CAMTA1: variants seen among roughly 807,000 people sequenced by gnomAD.
The protein encoded by CAMTA1 is calmodulin binding transcription activator 1.
CAMTA1 carries 27 observed loss-of-function variants against 170.9 expected under a neutral mutation model. That is an observed-to-expected ratio of 0.16 (90% CI 0.12 to 0.22). The LOEUF is 0.22. Ranked by LOEUF, CAMTA1 falls within the 10% of genes least tolerant of loss-of-function variation. CAMTA1 has a pLI of 1.00. For missense variants in CAMTA1, 1,619 were observed against 2,217.2 expected, an observed-to-expected ratio of 0.73 and a Z score of 5.42; for synonymous variants, 833 against 891.5, an observed-to-expected ratio of 0.93 and a Z score of 1.17.
chr1:7,746,257 C>T (rs1168728927), intron 18 of CAMTA1, among the ~76,000 whole-genome samples, 166 bp downstream of exon 18: 2 of 152,132 alleles, frequency 1.3e-5, no homozygotes, highest in African/African-American at 4.8e-5. Context: ...TATAACATAT[C>T]TGTGTGTGTA....
intron 6 of CAMTA1, among the ~76,000 whole-genome samples, chr1:7,476,275 C>A (rs943664742): frequency 2.0e-5 from 3 of 152,220 alleles, no homozygotes; most frequent in African/African-American, 7.2e-5. Context: ...TGGATCCTTG[C>A]ATGGACAGCA....
chr1:6,897,271 T>C (rs1445913946), intron 3 of CAMTA1, among the ~76,000 whole-genome samples: 1 of 152,074 alleles, frequency 6.6e-6, no homozygotes, highest in Admixed American at 6.6e-5. Flanking sequence ...GGAAAATGGG[T>C]TTTGACCAAC....
At chr1:7,120,115 A>G (rs1261287692) in intron 4 of CAMTA1, among the ~76,000 whole-genome samples, 1 of 152,238 alleles carries the variant, frequency 6.6e-6, no homozygotes, top group Non-Finnish European at 1.5e-5. Context: ...ACCAGAACTC[A>G]GATCTGTCTA....
At chr1:7,672,470 G>A (rs185767363) in intron 10 of CAMTA1, among the ~76,000 whole-genome samples, 1 of 152,258 alleles carries the variant, frequency 6.6e-6, no homozygotes, top group Non-Finnish European at 1.5e-5. Flanking sequence ...TTGCCAGGCT[G>A]GAGTGCAGTG....
Position 7,744,835 on chromosome 1 carries a change from G to A in CAMTA1, c.4183G>A (p.Val1395Met), listed in dbSNP as rs781618305. 8 of 1,611,714 alleles carry A rather than the reference G, an allele frequency of 5.0e-6. No individual in the cohort carries two copies. The South Asian group carries it at 8.8e-5, about 18-fold the overall frequency. ...ECGQPMDDIQ[V>M]NMMTLAEHII... ...GTGTTCTGTGAACTTCTGACTTCAG[G>A]TGAACATGATGACCTTGGCAGAACA... is the stretch of plus-strand genomic sequence containing the variant. Residue 1395 changes from valine (V) to methionine (M), a missense_variant and splice_region_variant, in exon 17 of 23, where the codon GTG becomes ATG. Val to Met is a conservative substitution (Grantham distance 21). Transcript: ENST00000303635.
At chr1:7,102,665 G>A (rs947369767) in intron 4 of CAMTA1, among the ~76,000 whole-genome samples, 1 of 152,150 alleles carries the variant, frequency 6.6e-6, no homozygotes, top group Non-Finnish European at 1.5e-5. Context: ...CGTGAAATGT[G>A]CTATTTCCAC....
intron 5 of CAMTA1, among the ~76,000 whole-genome samples, chr1:7,276,293 A>AT (rs1372402055): frequency 6.8e-4 from 15 of 22,046 alleles, no homozygotes; most frequent in South Asian, 2.3e-3. Context: ...ATATATATAT[A>AT]TATATATATA....
At chr1:7,472,762 G>C (rs959224988) in intron 6 of CAMTA1, among the ~76,000 whole-genome samples, 1 of 152,162 alleles carries the variant, frequency 6.6e-6, no homozygotes, top group Non-Finnish European at 1.5e-5. Context: ...TCACCCCCTA[G>C]AGCAGGCACC....
intron 4 of CAMTA1, among the ~76,000 whole-genome samples, chr1:7,244,009 T>C (rs912081275): frequency 6.6e-6 from 1 of 151,950 alleles, no homozygotes; most frequent in Admixed American, 6.6e-5. Context: ...AGGGCTAATA[T>C]CCAGAATCTA....
chr1:6,848,406 C>T (rs1041352276), intron 3 of CAMTA1, among the ~76,000 whole-genome samples: 3 of 152,212 alleles, frequency 2.0e-5, no homozygotes, highest in Non-Finnish European at 2.9e-5. Flanking sequence ...GTTTCGTCCT[C>T]CCAAAGTATT....
At position 6,916,106 on chromosome 1, in the gene CAMTA1, C is replaced by T. The variant is rs147478317; in HGVS notation, c.234+90896C>T. Reference sequence around the variant, plus strand: ...GCGACCAGGCTGCCAGAGAAGGGGACGAGAAGGGAGCCAGGGGCATGTGAT... The same window carrying T: ...GCGACCAGGCTGCCAGAGAAGGGGATGAGAAGGGAGCCAGGGGCATGTGAT... On this transcript the variant is annotated intron_variant, in intron 3 of 22. Transcript: ENST00000303635. Among the ~76,000 whole-genome samples, 45 of 152,140 alleles carry T rather than the reference C, an allele frequency of 3.0e-4. No individual in the cohort carries two copies. The East Asian group carries it at 7.5e-3, about 25-fold the overall frequency.
intron 5 of CAMTA1, among the ~76,000 whole-genome samples, chr1:7,384,637 C>T (rs547997553): frequency 3.5e-4 from 53 of 152,320 alleles, no homozygotes; most frequent in Middle Eastern, 3.4e-3. Context: ...GCCATTTTGT[C>T]ACTCTTAATT....
intron 10 of CAMTA1, among the ~76,000 whole-genome samples, chr1:7,676,096 C>G (rs1401963845): frequency 6.6e-6 from 1 of 152,224 alleles, no homozygotes; most frequent in Admixed American, 6.5e-5. Context: ...CAGCCCTGAG[C>G]GGGCTCCGAT....
rs1343211492 is a variant in CAMTA1 at position 7,398,189 on chromosome 1, CTCTCTATATATATATATATATATA to C, written c.439-69639_439-69616del. The stretch of plus-strand genomic sequence containing the variant: ...TCTCTCTCTCTCTCTCTCTCTCTCT[CTCTCTATATATATATATATATATA>C]TATATATATATATATATATATATAT... On this transcript the variant is annotated intron_variant, in intron 5 of 22. Coordinates refer to ENST00000303635, the MANE Select transcript of CAMTA1 (RefSeq NM_015215.4). 3.9e-3 allele frequency among the ~76,000 whole-genome samples: 127 copies of C among 32,298 alleles called. 1 individual carries two copies. The highest frequency in any genetic ancestry group is 5.0e-3 in the African/African-American group (37 of 7,390). 21.2% of individuals were successfully genotyped at this position (32,298 alleles called of 152,430 possible).
intron 3 of CAMTA1, among the ~76,000 whole-genome samples, chr1:6,830,346 GT>G (rs1175901382): frequency 1.1e-3 from 121 of 109,052 alleles, no homozygotes; most frequent in Admixed American, 1.4e-3. Context: ...ACCTGGCCTT[GT>G]TTTTTTTTTT....
At chr1:7,133,774 C>T (rs1223346241) in intron 4 of CAMTA1, among the ~76,000 whole-genome samples, 1 of 152,184 alleles carries the variant, frequency 6.6e-6, no homozygotes, top group Non-Finnish European at 1.5e-5. Flanking sequence ...CCTGAGGTTA[C>T]TACTCCCATG....
intron 9 of CAMTA1, among the ~76,000 whole-genome samples, chr1:7,668,019 G>A (rs74053181): frequency 0.019 from 2,848 of 152,260 alleles, 94 homozygotes; most frequent in African/African-American, 0.064. Flanking sequence ...GGGTTCTACA[G>A]GAGAGAGCAC....
Position 7,387,326 on chromosome 1 carries a change from C to A in CAMTA1, c.439-80504C>A, listed in dbSNP as rs79911917. 7.1e-3 allele frequency among the ~76,000 whole-genome samples: 1,089 copies of A among 152,322 alleles called. 8 individuals are homozygous for A. The highest frequency in any genetic ancestry group is 0.027 in the East Asian group (138 of 5,186). On this transcript the variant is annotated intron_variant, in intron 5 of 22. Transcript: ENST00000303635. Reference sequence around the variant, plus strand: ...CTCTCTCCCACCGACATGGCACCACCACACAGCCACCCCAACCAGGAGACC... The same window carrying A: ...CTCTCTCCCACCGACATGGCACCACAACACAGCCACCCCAACCAGGAGACC...
chr1:7,375,535 C>T (rs527238558), intron 5 of CAMTA1, among the ~76,000 whole-genome samples: 2 of 152,260 alleles, frequency 1.3e-5, no homozygotes, highest in Admixed American at 1.3e-4. Flanking sequence ...GGAAAAAATG[C>T]CAGCCCTGGG....
Sources: allele counts gnomAD v4.1 joint callset (sites outside exome capture counted in the v4.1 genomes callset), GRCh38; gene constraint gnomAD v4.1.1; transcripts MANE v1.5; gene names NCBI Gene and HGNC (gene_info 2026-07-23, HGNC 2026-07-21).